MSRA: variants seen among roughly 807,000 people sequenced by gnomAD.
MSRA encodes mitochondrial peptide methionine sulfoxide reductase.
A neutral mutation model predicts 31.3 loss-of-function variants in MSRA; 54 were observed. That is an observed-to-expected ratio of 1.73 (90% CI 1.39 to 2.17). MSRA has a LOEUF of 2.17. MSRA is among the 30% of genes most tolerant of loss of function. MSRA has a pLI of 0.00. For missense variants in MSRA, 507 were observed against 300.9 expected (o/e 1.69, Z -5.07); for synonymous variants, 169 against 116.5 (o/e 1.45, Z -2.90).
intron 4 of MSRA, among the ~76,000 whole-genome samples, chr8:10,311,000 A>G (rs1031534644): frequency 1.3e-5 from 2 of 152,246 alleles, no homozygotes; most frequent in African/African-American, 4.8e-5. Context: ...AGTAATGGTT[A>G]GGTCATTTAG....
intron 5 of MSRA, among the ~76,000 whole-genome samples, chr8:10,335,853 G>T (rs1803007065): frequency 6.6e-6 from 1 of 152,198 alleles, no homozygotes; most frequent in African/African-American, 2.4e-5. Context: ...TAAGGAGCCT[G>T]GGAGGCTGTC....
chr8:10,226,635 T>C (rs930753492), intron 2 of MSRA, among the ~76,000 whole-genome samples: 2 of 152,162 alleles, frequency 1.3e-5, no homozygotes, highest in Non-Finnish European at 2.9e-5. Context: ...ATTTAGGAAA[T>C]AGAAAATTAC....
intron 1 of MSRA, among the ~76,000 whole-genome samples, chr8:10,201,228 A>G (rs1225180209): frequency 2.0e-5 from 3 of 152,006 alleles, no homozygotes; most frequent in Non-Finnish European, 4.4e-5. Flanking sequence ...ATTAGTCAGT[A>G]GAAACACTTG....
chr8:10,365,542 G>A (rs60937041), intron 5 of MSRA, among the ~76,000 whole-genome samples: 30,342 of 152,186 alleles, frequency 0.2, 4,273 homozygotes, highest in East Asian at 0.7. Context: ...ACTAGCATTT[G>A]ATGGAGAGTT....
At chr8:10,092,362 A>G (rs887354935) in intron 1 of MSRA, among the ~76,000 whole-genome samples, 1 of 152,134 alleles carries the variant, frequency 6.6e-6, no homozygotes, top group Non-Finnish European at 1.5e-5. Flanking sequence ...ATATATCCTT[A>G]AGTATGTACA....
chr8:10,421,119 T>G (rs1489698794), intron 5 of MSRA, among the ~76,000 whole-genome samples: 1 of 152,152 alleles, frequency 6.6e-6, no homozygotes, highest in African/African-American at 2.4e-5. Flanking sequence ...GATCCATGTC[T>G]AGAGCTCCTT....
intron 5 of MSRA, among the ~76,000 whole-genome samples, chr8:10,384,305 T>A (rs1159192712): frequency 7.9e-5 from 12 of 152,218 alleles, no homozygotes; most frequent in Admixed American, 2.0e-4. Context: ...AGAGATGCTG[T>A]CAGACACTCT....
chr8:10,192,704 G>T (rs1355828604), intron 1 of MSRA, among the ~76,000 whole-genome samples: 1 of 152,168 alleles, frequency 6.6e-6, no homozygotes, highest in Non-Finnish European at 1.5e-5. Flanking sequence ...GTATGTAAGG[G>T]TATGTTCTTG....
chr8:10,157,123 T>C (rs574249851), intron 1 of MSRA, among the ~76,000 whole-genome samples: 1 of 152,204 alleles, frequency 6.6e-6, no homozygotes, highest in East Asian at 1.9e-4. Flanking sequence ...TTTACCTATA[T>C]GTTCATCCTC....
intron 1 of MSRA, among the ~76,000 whole-genome samples, chr8:10,125,677 C>T (rs942863362): frequency 6.6e-6 from 1 of 152,080 alleles, no homozygotes; most frequent in South Asian, 2.1e-4. Flanking sequence ...CACAGTCAGC[C>T]GAAAGTCTCT....
chr8:10,286,132 G>C lies in MSRA; in HGVS notation c.332-15402G>C, dbSNP rs547643736. 2.0e-5 allele frequency among the ~76,000 whole-genome samples: 3 copies of C among 152,204 alleles called. No homozygotes were observed. In the East Asian group the frequency reaches 5.8e-4, roughly 29 times the overall value. On this transcript the variant is annotated intron_variant, in intron 3 of 5. Coordinates refer to ENST00000317173, the MANE Select transcript of MSRA (RefSeq NM_012331.5). ...AATCTAAGCCATCCTGTCCATTCTA[G>C]GATCTTCTTCCTGTGTTATGGTGCT...
chr8:10,339,637 G>T (rs867387475), intron 5 of MSRA, among the ~76,000 whole-genome samples: 1 of 145,470 alleles, frequency 6.9e-6, no homozygotes, highest in East Asian at 2.2e-4. Context: ...CGCCTCCCAG[G>T]TTCACGCCAT....
At chr8:10,328,112 T>C (rs1268348156) in intron 5 of MSRA, among the ~76,000 whole-genome samples, 5 of 143,074 alleles carry the variant, frequency 3.5e-5, no homozygotes, top group African/African-American at 5.4e-5. Flanking sequence ...AACTACCCTC[T>C]GGACTCCAGA....
chr8:10,100,713 G>A (rs964630500), intron 1 of MSRA, among the ~76,000 whole-genome samples: 5 of 152,156 alleles, frequency 3.3e-5, no homozygotes, highest in Non-Finnish European at 7.3e-5. Flanking sequence ...AAGTTTGGCC[G>A]TGAGTTGTGC....
At chr8:10,245,888 G>T (rs1164851566) in intron 3 of MSRA, among the ~76,000 whole-genome samples, 1 of 152,230 alleles carries the variant, frequency 6.6e-6, no homozygotes, top group Non-Finnish European at 1.5e-5. Flanking sequence ...GATATAGGAG[G>T]TATCAAGAAT....
At chr8:10,233,914 A>C (rs1246405825) in intron 2 of MSRA, among the ~76,000 whole-genome samples, 4 of 152,190 alleles carry the variant, frequency 2.6e-5, no homozygotes, top group Non-Finnish European at 5.9e-5. Flanking sequence ...ATAATGAAAA[A>C]ATATTAATAA....
chr8:10,412,213 T>C (rs893149398), intron 5 of MSRA, among the ~76,000 whole-genome samples: 4 of 152,238 alleles, frequency 2.6e-5, no homozygotes, highest in African/African-American at 9.6e-5. Context: ...TAATTGTATA[T>C]GAAAAAATCT....
At chr8:10,113,509 G>A (rs1460095733) in intron 1 of MSRA, among the ~76,000 whole-genome samples, 2 of 151,364 alleles carry the variant, frequency 1.3e-5, no homozygotes, top group South Asian at 2.1e-4. Flanking sequence ...TTTGGTGATG[G>A]GATGTTGGGG....
intron 2 of MSRA, among the ~76,000 whole-genome samples, chr8:10,227,328 G>A (rs1811084432): frequency 6.6e-6 from 1 of 152,138 alleles, no homozygotes; most frequent in South Asian, 2.1e-4. Flanking sequence ...AACATACCAG[G>A]GGTTTGATTC....
Sources: allele counts gnomAD v4.1 joint callset (sites outside exome capture counted in the v4.1 genomes callset), GRCh38; gene constraint gnomAD v4.1.1; transcripts MANE v1.5; gene names NCBI Gene and HGNC (gene_info 2026-07-23, HGNC 2026-07-21).